The following MID1 variants were observed in gnomAD, a reference collection of about 807,000 sequenced individuals.
The protein encoded by MID1 is E3 ubiquitin-protein ligase Midline-1.
In MID1, 7 loss-of-function variants were observed where a neutral mutation model predicts 40.4. The observed-to-expected ratio is 0.17, with a 90% CI of 0.10 to 0.33. The LOEUF is 0.33. Ranked by LOEUF, MID1 falls within the 10% of genes least tolerant of loss-of-function variation. The pLI, the probability that MID1 is intolerant of heterozygous loss-of-function variation, is 1.00. For missense variants in MID1, 367 were observed against 558.5 expected (o/e 0.66, Z 3.46); for synonymous variants, 229 against 221.2 (o/e 1.04, Z -0.31).
chrX:10,750,948 T>A (rs1289437123), intron 1 of MID1, among the ~76,000 whole-genome samples: 1 of 111,454 alleles, frequency 9.0e-6, no homozygotes. Flanking sequence ...TTGATTCTGT[T>A]GTTGTGATCT....
chrX:10,702,047 G>C (rs183674516), intron 1 of MID1, among the ~76,000 whole-genome samples: 1 of 112,677 alleles, frequency 8.9e-6, no homozygotes, highest in African/African-American at 3.2e-5. Flanking sequence ...AATGCATGCA[G>C]TGAACATATA....
intron 6 of MID1, 115 bp downstream of exon 6, chrX:10,474,508 G>T: frequency 1.3e-6 from 1 of 754,031 alleles, no homozygotes; most frequent in Non-Finnish European, 2.0e-6. Context: ...AAATATCAGT[G>T]CCATTCCTAG....
intron 1 of MID1, among the ~76,000 whole-genome samples, chrX:10,796,344 C>T (rs2043966695): frequency 9.2e-6 from 1 of 108,714 alleles, no homozygotes; most frequent in African/African-American, 3.4e-5. Context: ...ATTGATTTTA[C>T]ACCAGATACG....
intron 1 of MID1, among the ~76,000 whole-genome samples, chrX:10,780,444 A>T (rs2043837637): frequency 1.8e-5 from 2 of 111,495 alleles, no homozygotes; most frequent in Admixed American, 1.9e-4. Flanking sequence ...AGGTGTGGAG[A>T]ATTGAAAGTA....
At chrX:10,791,760 G>A (rs775591893) in intron 1 of MID1, among the ~76,000 whole-genome samples, 24 of 111,412 alleles carry the variant, frequency 2.2e-4, no homozygotes, top group African/African-American at 7.5e-4. Flanking sequence ...ACACATGCAT[G>A]TGTCATTGGG....
At chrX:10,557,792 T>C (rs1261507552) in intron 2 of MID1, among the ~76,000 whole-genome samples, 2 of 112,143 alleles carry the variant, frequency 1.8e-5, no homozygotes, top group East Asian at 2.8e-4. Context: ...TGTCTGTACC[T>C]AAGAGCCAAT....
intron 1 of MID1, among the ~76,000 whole-genome samples, chrX:10,831,425 T>C (rs2147165900): frequency 9.0e-6 from 1 of 111,625 alleles, no homozygotes; most frequent in East Asian, 2.8e-4. Flanking sequence ...CCAGGGCACC[T>C]ACTAACATCT....
rs762764232 is a variant in MID1 at position 10,802,138 on chromosome X, C to T, written c.-187+31416G>A. 4.7e-4 allele frequency among the ~76,000 whole-genome samples: 52 copies of T among 111,541 alleles called. No homozygotes were observed. The South Asian group carries it at 4.9e-3, about 11-fold the overall frequency. Reference sequence around the variant, plus strand: ...TGGAGGTGACAGTGAGCCGAGATCACGCCATTGCACTCCAGCCTGGCGAAA... The same window carrying T: ...TGGAGGTGACAGTGAGCCGAGATCATGCCATTGCACTCCAGCCTGGCGAAA... On this transcript the variant is annotated intron_variant, in intron 1 of 10. Coordinates refer to the MID1 transcript ENST00000380785.
intron 2 of MID1, among the ~76,000 whole-genome samples, chrX:10,544,515 T>C (rs1933606768): frequency 1.8e-5 from 2 of 112,436 alleles, no homozygotes; most frequent in African/African-American, 6.5e-5. Flanking sequence ...GAAATGTTTT[T>C]CTACAATGAA....
At chrX:10,805,159 C>T (rs189746505) in intron 1 of MID1, among the ~76,000 whole-genome samples, 3,344 of 108,596 alleles carry the variant, frequency 0.031, 156 homozygotes, top group African/African-American at 0.11. Context: ...CATGCTGGTG[C>T]GCTGCACCCA....
intron 1 of MID1, among the ~76,000 whole-genome samples, chrX:10,804,097 T>G (rs1192469685): frequency 8.9e-6 from 1 of 112,267 alleles, no homozygotes; most frequent in Admixed American, 9.5e-5. Flanking sequence ...ACAGTGTTTG[T>G]GGCTTCTATA....
At position 10,754,309 on chromosome X, in the gene MID1, G is replaced by GTTTTTTTT. The variant is rs200251008; in HGVS notation, c.-187+79244_-187+79245insAAAAAAAA. ...AGAATAGACAAGAGAGTTTTTTTTT[G>GTTTTTTTT]TTTTTTGTTTTTTGTTTTTTTTGTC... On this transcript the variant is annotated intron_variant, in intron 1 of 10. Coordinates refer to the MID1 transcript ENST00000380785. 5.8e-4 allele frequency among the ~76,000 whole-genome samples: 61 copies of GTTTTTTTT among 104,575 alleles called. 3 individuals are homozygous for GTTTTTTTT. Among genetic ancestry groups the GTTTTTTTT allele is most frequent in the African/African-American group, 2.3e-3 (58 of 25,102 alleles). The allele number at this position is 104,575 out of a possible 115,157, so 90.8% of individuals were successfully genotyped here. A position where few individuals can be genotyped will look rare whatever the true frequency, so the allele number is the denominator to read the frequency against.
intron 2 of MID1, among the ~76,000 whole-genome samples, chrX:10,554,225 C>T (rs766212384): frequency 2.7e-5 from 3 of 112,293 alleles, no homozygotes; most frequent in Non-Finnish European, 3.8e-5. Context: ...GCAGGAGATA[C>T]GTGGTTGTTC....
chrX:10,617,818 A>G (rs1266528166), intron 1 of MID1, among the ~76,000 whole-genome samples: 1 of 112,304 alleles, frequency 8.9e-6, no homozygotes, highest in Non-Finnish European at 1.9e-5. Context: ...AAGGTTCATA[A>G]AAGTTTCCCG....
At chrX:10,580,203 G>A (rs1365564657) in intron 1 of MID1, among the ~76,000 whole-genome samples, 7 of 39,758 alleles carry the variant, frequency 1.8e-4, no homozygotes, top group African/African-American at 3.5e-4. Flanking sequence ...CCCCCGCCCC[G>A]CCCTTTCAAC....
At chrX:10,746,175 T>C (rs2043555590) in intron 1 of MID1, among the ~76,000 whole-genome samples, 1 of 111,441 alleles carries the variant, frequency 9.0e-6, no homozygotes, top group Admixed American at 9.5e-5. Flanking sequence ...AAGTGCAGAG[T>C]ATGCTTGGGA....
At chrX:10,525,966 G>A (rs958076528) in intron 2 of MID1, among the ~76,000 whole-genome samples, 2 of 111,934 alleles carry the variant, frequency 1.8e-5, no homozygotes, top group African/African-American at 3.2e-5. Flanking sequence ...TTCATTTCCG[G>A]TCCTTGGAGG....
intron 1 of MID1, among the ~76,000 whole-genome samples, chrX:10,720,657 A>G (rs1245042825): frequency 8.9e-6 from 1 of 112,061 alleles, no homozygotes; most frequent in Non-Finnish European, 1.9e-5. Context: ...TCAGGGAGCT[A>G]GAACTAGAAG....
chrX:10,474,890 T>C (rs1201473898), intron 5 of MID1, 140 bp from the exon 6 acceptor site: 6 of 563,710 alleles, frequency 1.1e-5, no homozygotes, highest in African/African-American at 9.1e-5. Context: ...CATCTCAAAA[T>C]GTCACAACAC....
Sources: gnomAD v4.1 joint callset for allele counts (sites outside exome capture counted in the v4.1 genomes callset) on GRCh38, gnomAD v4.1.1 for gene constraint, MANE v1.5 for transcripts, NCBI Gene and HGNC (gene_info 2026-07-23, HGNC 2026-07-21) for gene names.